Variants in PAK2 observed in about 807,000 individuals in gnomAD.
PAK2 encodes p21 (RAC1) activated kinase 2.
Under a neutral mutation model 65.9 loss-of-function variants are expected in PAK2, and 21 were observed. The observed-to-expected ratio is 0.32, with a 90% CI of 0.23 to 0.46. PAK2 has a LOEUF of 0.46. PAK2 is among the 20% of genes least tolerant of loss of function. The pLI, the probability that PAK2 is intolerant of heterozygous loss-of-function variation, is 1.00. For synonymous variants in PAK2, 204 were observed against 219.7 expected, an observed-to-expected ratio of 0.93 and a Z score of 0.63; for missense variants, 324 against 642.6, an observed-to-expected ratio of 0.50 and a Z score of 5.36.
chr3:196,744,003 T>C (rs1413110446), intron 1 of PAK2, among the ~76,000 whole-genome samples: 1 of 152,210 alleles, frequency 6.6e-6, no homozygotes, highest in Non-Finnish European at 1.5e-5. Flanking sequence ...AGAAAAAATA[T>C]GTAATAGTTT....
At chr3:196,778,461 C>G (rs1714605554) in intron 1 of PAK2, among the ~76,000 whole-genome samples, 1 of 152,212 alleles carries the variant, frequency 6.6e-6, no homozygotes, top group Non-Finnish European at 1.5e-5. Context: ...GAGGAACTTA[C>G]TAACTCCCTT....
chr3:196,760,537 C>T (rs1022403911), intron 1 of PAK2, among the ~76,000 whole-genome samples: 3 of 152,170 alleles, frequency 2.0e-5, no homozygotes, highest in African/African-American at 7.2e-5. Context: ...AGGTGTGAGC[C>T]ACCAAGCCTG....
At chr3:196,761,752 A>C (rs1401963258) in intron 1 of PAK2, among the ~76,000 whole-genome samples, 6 of 139,084 alleles carry the variant, frequency 4.3e-5, no homozygotes, top group African/African-American at 1.3e-4. Context: ...GGCGCCCCTC[A>C]CCTCCCGGAC....
chr3:196,760,414 C>A (rs780036399), intron 1 of PAK2, among the ~76,000 whole-genome samples: 5 of 152,116 alleles, frequency 3.3e-5, no homozygotes, highest in Non-Finnish European at 7.4e-5. Context: ...CCACACCCAG[C>A]TAATTTCTGT....
chr3:196,763,745 TAGAA>T (rs1325935360), intron 1 of PAK2, among the ~76,000 whole-genome samples: 1 of 152,034 alleles, frequency 6.6e-6, no homozygotes, highest in Non-Finnish European at 1.5e-5. Context: ...CTATTTTCTA[TAGAA>T]AGAAAGGAAA....
At chr3:196,812,132 C>A in intron 8 of PAK2, 87 bp from the exon 9 acceptor site, 3 of 786,800 alleles carry the variant, frequency 3.8e-6, no homozygotes, top group Admixed American at 1.9e-5. Flanking sequence ...AATTCTTTTT[C>A]AATTGCTTGA....
At chr3:196,750,402 C>T (rs1402476928) in intron 1 of PAK2, among the ~76,000 whole-genome samples, 1 of 152,088 alleles carries the variant, frequency 6.6e-6, no homozygotes, top group East Asian at 1.9e-4. Context: ...TTTAAGTTCT[C>T]ATTCTCCCAA....
chr3:196,763,964 ATTT>A (rs11314152), intron 1 of PAK2, among the ~76,000 whole-genome samples: 4 of 140,624 alleles, frequency 2.8e-5, no homozygotes, highest in Admixed American at 1.4e-4. Flanking sequence ...ACGCCCGGCT[ATTT>A]TTTTTTTTTT....
Position 196,807,905 on chromosome 3 carries a change from G to C in PAK2, c.700G>C (p.Glu234Gln). Residue 234 changes from glutamate (E) to glutamine (Q), a missense_variant, in exon 7 of 15, where the codon GAG (glutamate) becomes CAG (glutamine). This residue lies in a region of PAK2 where 183 missense variants were observed against 246.2 expected (regional missense o/e 0.74). Coordinates refer to ENST00000327134, the MANE Select transcript of PAK2 (RefSeq NM_002577.4). ...TAAGATGACAGATGAAGAGATTATG[G>C]AGAAATTAAGTATGTTATCTACATT... ...KTKMTDEEIM[E>Q]KLRTIVSIGD... is the part of the protein sequence containing the mutation. 1 of 1,587,856 alleles carries C rather than the reference G, an allele frequency of 6.3e-7. No homozygotes were observed. Among genetic ancestry groups the C allele is most frequent in the Non-Finnish European group, 8.6e-7 (1 of 1,157,192 alleles).
chr3:196,801,378 C>T (rs1220465691), intron 2 of PAK2, among the ~76,000 whole-genome samples: 1 of 152,122 alleles, frequency 6.6e-6, no homozygotes, highest in Admixed American at 6.5e-5. Context: ...CTCCATGTGC[C>T]TCCTCAGTGT....
chr3:196,747,771 A>G (rs543350505), intron 1 of PAK2, among the ~76,000 whole-genome samples: 4 of 152,320 alleles, frequency 2.6e-5, no homozygotes, highest in Admixed American at 1.3e-4. Context: ...TAGTCCTAGT[A>G]AGAACTATAG....
chr3:196,762,681 AG>A (rs925931811), intron 1 of PAK2, among the ~76,000 whole-genome samples: 2 of 147,424 alleles, frequency 1.4e-5, no homozygotes, highest in African/African-American at 2.6e-5. Context: ...CCGTGGGGAG[AG>A]GGAGAGGGAG....
At chr3:196,781,178 T>C (rs1370896593) in intron 1 of PAK2, among the ~76,000 whole-genome samples, 1 of 152,222 alleles carries the variant, frequency 6.6e-6, no homozygotes, top group African/African-American at 2.4e-5. Context: ...GTTAGCATTC[T>C]TTTCATTGTA....
intron 1 of PAK2, among the ~76,000 whole-genome samples, chr3:196,760,824 GT>G (rs750166228): frequency 6.6e-6 from 1 of 152,236 alleles, no homozygotes. Flanking sequence ...GATTCAAAGT[GT>G]GAGTTTAAAC....
chr3:196,818,122 T>G lies in PAK2; in HGVS notation c.1119T>G (p.Asn373Lys). ...TCCACAGAGACATCAAAAGTGACAATGTACTTTTGGGAATGGAAGGATCTG... is the reference window on the plus strand; with the variant it reads ...TCCACAGAGACATCAAAAGTGACAAGGTACTTTTGGGAATGGAAGGATCTG... ...QVIHRDIKSD[N>K]VLLGMEGSVK... The change falls in exon 12 of 15, where the codon AAT (asparagine) becomes AAG (lysine). Residue 373 changes from asparagine (N) to lysine (K), a missense_variant. By Grantham distance (94) the Asn-to-Lys change is moderately conservative (BLOSUM62 0). This residue lies in a region of PAK2 where 36 missense variants were observed against 161.5 expected (regional missense o/e 0.22). Transcript: ENST00000327134. The G allele has an allele frequency of 6.7e-7, 1 of 1,487,438 alleles. No individual in the cohort carries two copies. Among genetic ancestry groups the G allele is most frequent in the South Asian group, 1.1e-5 (1 of 88,296 alleles). 92.1% of individuals were successfully genotyped at this position (1,487,438 alleles called of 1,614,324 possible).
intron 1 of PAK2, among the ~76,000 whole-genome samples, chr3:196,778,033 G>T (rs1714591195): frequency 6.6e-6 from 1 of 151,936 alleles, no homozygotes; most frequent in Non-Finnish European, 1.5e-5. Context: ...CCCATTAGGA[G>T]CCCCATCTCA....
At chr3:196,812,678 G>T (rs529649309) in intron 9 of PAK2, 61 bp from the exon 10 acceptor site, 20 of 767,638 alleles carry the variant, frequency 2.6e-5, no homozygotes, top group African/African-American at 1.2e-4. Context: ...ACTGCTTGGG[G>T]TTTGTAATTT....
intron 1 of PAK2, among the ~76,000 whole-genome samples, chr3:196,765,543 G>C (rs1280714645): frequency 6.6e-6 from 1 of 152,128 alleles, no homozygotes; most frequent in East Asian, 1.9e-4. Flanking sequence ...CACTTGATTT[G>C]AATCAGCCTT....
Position 196,806,616 on chromosome 3 carries a change from CAGA to C in PAK2, c.507_509del (p.Glu172del). 6.2e-7 allele frequency: 1 copy of C among 1,613,262 alleles called. No homozygotes were observed. The highest frequency in any genetic ancestry group is 8.5e-7 in the Non-Finnish European group (1 of 1,179,308). On this transcript the variant is annotated inframe_deletion, in exon 6 of 15. Transcript: ENST00000327134. The stretch of plus-strand genomic sequence containing the variant: ...GGAACAGAAGCACCCGCAGTAGTGA[CAGA>C]GGAGGAGGATGATGATGAAGAGACT...
Sources: allele counts gnomAD v4.1 joint callset (sites outside exome capture counted in the v4.1 genomes callset), GRCh38; gene constraint gnomAD v4.1.1; regional missense constraint gnomAD v4.1.1; transcripts MANE v1.5; gene names NCBI Gene and HGNC (gene_info 2026-07-23, HGNC 2026-07-21).